The following KLF3 variants were observed in gnomAD, a reference collection of about 807,000 sequenced individuals.
KLF3 encodes KLF transcription factor 3.
KLF3 carries 6 observed loss-of-function variants against 32.7 expected under a neutral mutation model. The observed-to-expected ratio is 0.18, with a 90% CI of 0.10 to 0.36. KLF3 has a LOEUF of 0.36. Among genes scored for constraint, KLF3 ranks in the 10% least tolerant of loss-of-function variants. The pLI is 1.00. For missense variants in KLF3, 338 were observed against 449.7 expected, an observed-to-expected ratio of 0.75 and a Z score of 2.25; for synonymous variants, 145 against 172.8, an observed-to-expected ratio of 0.84 and a Z score of 1.26.
At chr4:38,689,097 G>T in intron 3 of KLF3, 26 bp downstream of exon 3, 1 of 1,608,532 alleles carries the variant, frequency 6.2e-7, no homozygotes, top group Non-Finnish European at 8.5e-7. Flanking sequence ...GCTCCATGCT[G>T]CTGCACTTGC....
intron 2 of KLF3, among the ~76,000 whole-genome samples, chr4:38,684,005 G>A (rs182439941): frequency 1.7e-4 from 26 of 152,200 alleles, no homozygotes; most frequent in African/African-American, 6.0e-4. Flanking sequence ...TCCTGTGCCT[G>A]GAACCCTCTC....
intron 2 of KLF3, among the ~76,000 whole-genome samples, chr4:38,687,820 G>A (rs200238867): frequency 7.9e-5 from 12 of 152,148 alleles, no homozygotes; most frequent in Non-Finnish European, 1.5e-4. Context: ...CATCATTGCC[G>A]CAGTGAGGGT....
chr4:38,694,649 T>C (rs946761999), intron 4 of KLF3, 97 bp from the exon 5 acceptor site: 35 of 1,043,558 alleles, frequency 3.4e-5, no homozygotes, highest in Non-Finnish European at 4.1e-5. Context: ...ATTTTTTGTT[T>C]GTTTGTTTTT....
chr4:38,681,904 G>T (rs1390905137), intron 2 of KLF3, among the ~76,000 whole-genome samples: 1 of 152,186 alleles, frequency 6.6e-6, no homozygotes, highest in African/African-American at 2.4e-5. Flanking sequence ...AGTTGCCATG[G>T]ATATTACTAA....
At chr4:38,677,455 G>A (rs1460544461) in intron 1 of KLF3, among the ~76,000 whole-genome samples, 1 of 152,206 alleles carries the variant, frequency 6.6e-6, no homozygotes, top group African/African-American at 2.4e-5. Flanking sequence ...ATTAGACAAA[G>A]TCATTGAAAG....
rs1723139512 is a variant in KLF3, at chr4:38,699,360, G to A, written c.*2097G>A. On this transcript the variant is annotated 3_prime_UTR_variant, in exon 6 of 6. Transcript: ENST00000261438. Reference sequence around the variant, plus strand: ...TTGAAAAGTAGATATTGTCTGTATTGTAAATGCTTAGTCATATTCATGGCA... The same window carrying A: ...TTGAAAAGTAGATATTGTCTGTATTATAAATGCTTAGTCATATTCATGGCA... The A allele has an allele frequency of 6.6e-6, 1 of 151,994 alleles. No homozygotes were observed. The highest frequency in any genetic ancestry group is 6.6e-5 in the Admixed American group (1 of 15,260). The allele number at this position is 151,994 out of a possible 1,614,324, so 9.4% of individuals were successfully genotyped here. A position where few individuals can be genotyped will look rare whatever the true frequency, so the allele number is the denominator to read the frequency against.
chr4:38,670,780 A>G (rs890051922), intron 1 of KLF3, among the ~76,000 whole-genome samples: 1 of 152,266 alleles, frequency 6.6e-6, no homozygotes, highest in Non-Finnish European at 1.5e-5. Flanking sequence ...CTGGTGTACC[A>G]TCATTCCAGG....
intron 4 of KLF3, among the ~76,000 whole-genome samples, chr4:38,692,733 G>A (rs1448670587): frequency 2.6e-5 from 4 of 152,066 alleles, no homozygotes; most frequent in Admixed American, 2.6e-4. Flanking sequence ...CAGAATTACT[G>A]CACAGAAACG....
At chr4:38,677,293 CTTAGGA>C (rs1553893484) in intron 1 of KLF3, among the ~76,000 whole-genome samples, 1 of 152,130 alleles carries the variant, frequency 6.6e-6, no homozygotes, top group Non-Finnish European at 1.5e-5. Context: ...CTATGTTTCT[CTTAGGA>C]TTACAAGTCT....
rs1054882205 is a variant in KLF3 at position 38,698,103 on chromosome 4, C to T, written c.*840C>T. On this transcript the variant is annotated 3_prime_UTR_variant, in exon 6 of 6. Coordinates refer to ENST00000261438, the MANE Select transcript of KLF3 (RefSeq NM_016531.6). ...AGCTTCAGTCTCTGTGCATACTCAG[C>T]TTTGTAGAACCATGCTGCAAAGCCA... 55 of 152,182 alleles carry T rather than the reference C, an allele frequency of 3.6e-4. No individual in the cohort carries two copies. Among genetic ancestry groups the T allele is most frequent in the African/African-American group, 1.3e-3 (55 of 41,452 alleles). 9.4% of individuals were successfully genotyped at this position (152,182 alleles called of 1,614,324 possible).
chr4:38,698,896 ATT>A lies in KLF3; in HGVS notation c.*1634_*1635del, dbSNP rs1225095536. 6.6e-6 allele frequency: 1 copy of A among 152,226 alleles called. No individual in the cohort carries two copies. The highest frequency in any genetic ancestry group is 2.4e-5 in the African/African-American group (1 of 41,454). The allele number at this position is 152,226 out of a possible 1,614,324, so 9.4% of individuals were successfully genotyped here. The stretch of plus-strand genomic sequence containing the variant: ...AAGAGAGAAGAATGAAATCCTGAAG[ATT>A]CATCCCAGCCGCAACTCAGGATCCA... On this transcript the variant is annotated 3_prime_UTR_variant, in exon 6 of 6. Coordinates refer to ENST00000261438, the MANE Select transcript of KLF3 (RefSeq NM_016531.6).
At chr4:38,680,025 T>G (rs936750593) in intron 1 of KLF3, among the ~76,000 whole-genome samples, 1 of 152,096 alleles carries the variant, frequency 6.6e-6, no homozygotes, top group Admixed American at 6.5e-5. Context: ...TCCAGAAAAG[T>G]CAGGGTTTCT....
rs561821179 is a variant in KLF3 at position 38,680,643 on chromosome 4, A to C, written c.18A>C (p.Pro6=). 73 of 1,613,830 alleles carry C rather than the reference A, an allele frequency of 4.5e-5. No homozygotes were observed. In the South Asian group the frequency reaches 7.2e-4, roughly 16 times the overall value. Residue 6 remains proline, a synonymous_variant, in exon 2 of 6, where the codon CCA becomes CCC. Transcript: ENST00000261438. The part of the protein sequence containing the change: MLMFD[P]VPVKQEAMDP... ...CTAAAAGAATGCTCATGTTTGACCC[A>C]GTTCCTGTCAAGCAAGAGGCCATGG...
intron 2 of KLF3, among the ~76,000 whole-genome samples, chr4:38,685,067 G>A (rs185363753): frequency 5.4e-4 from 83 of 152,312 alleles, no homozygotes; most frequent in Middle Eastern, 3.4e-3. Context: ...TGGATATGGG[G>A]CCAGTACAGC....
chr4:38,680,920 C>T (rs1457943599), intron 2 of KLF3: 1 of 363,722 alleles, frequency 2.7e-6, no homozygotes, highest in Non-Finnish European at 5.3e-6. Flanking sequence ...CGTGGTGGCA[C>T]ATGCCTGTAA....
chr4:38,697,997 G>C lies in KLF3; in HGVS notation c.*734G>C, dbSNP rs977365502. 6.6e-6 allele frequency: 1 copy of C among 152,226 alleles called. No individual in the cohort carries two copies. Among genetic ancestry groups the C allele is most frequent in the Non-Finnish European group, 1.5e-5 (1 of 68,064 alleles). The allele number at this position is 152,226 out of a possible 1,614,324, so 9.4% of individuals were successfully genotyped here. Reference sequence around the variant, plus strand: ...GGAGGAGAGGGCCATTTAGCAGGGGGAGCAGAAGAGGCAATTCCTCCTGGG... The same window carrying C: ...GGAGGAGAGGGCCATTTAGCAGGGGCAGCAGAAGAGGCAATTCCTCCTGGG... On this transcript the variant is annotated 3_prime_UTR_variant, in exon 6 of 6. Coordinates refer to ENST00000261438, the MANE Select transcript of KLF3 (RefSeq NM_016531.6).
intron 1 of KLF3, among the ~76,000 whole-genome samples, chr4:38,669,499 C>T (rs1722136026): frequency 6.6e-6 from 1 of 152,108 alleles, no homozygotes; most frequent in Non-Finnish European, 1.5e-5. Context: ...TTACCCCCAA[C>T]TCAGCTCTCT....
At chr4:38,680,860 G>A (rs949759473) in intron 2 of KLF3, 178 bp downstream of exon 2, 1 of 470,346 alleles carries the variant, frequency 2.1e-6, no homozygotes, top group Non-Finnish European at 4.0e-6. Context: ...AGACCAGCCT[G>A]ACCAACATGA....
At chr4:38,682,183 A>G (rs1430020495) in intron 2 of KLF3, among the ~76,000 whole-genome samples, 2 of 152,172 alleles carry the variant, frequency 1.3e-5, no homozygotes, top group Non-Finnish European at 2.9e-5. Flanking sequence ...CTCAGCCACC[A>G]TAGTAGCTGG....
Sources: allele counts gnomAD v4.1 joint callset (sites outside exome capture counted in the v4.1 genomes callset), GRCh38; gene constraint gnomAD v4.1.1; transcripts MANE v1.5; gene names NCBI Gene and HGNC (gene_info 2026-07-23, HGNC 2026-07-21).